PCDHGA6: variants seen among roughly 807,000 people sequenced by gnomAD.
The protein encoded by PCDHGA6 is protocadherin gamma subfamily A, 6, also known as protocadherin gamma-A6.
A neutral mutation model predicts 60.6 loss-of-function variants in PCDHGA6; 41 were observed. The ratio of observed to expected loss-of-function variants is 0.68; its 90% CI spans 0.53 to 0.88. The LOEUF is 0.88. PCDHGA6 is among the 40% of genes least tolerant of loss of function. The pLI, the probability that PCDHGA6 is intolerant of heterozygous loss-of-function variation, is 0.00. For synonymous variants in PCDHGA6, 594 were observed against 524.4 expected (o/e 1.13, Z -1.81); for missense variants, 1,312 against 1,203.0 (o/e 1.09, Z -1.34).
chr5:141,476,071 T>A lies in PCDHGA6; in HGVS notation c.2425-18736T>A. On this transcript the variant is annotated intron_variant, in intron 1 of 3. Transcript: ENST00000517434. The surrounding 1 kb of genome is among the most constrained non-coding windows in gnomAD (Gnocchi z 7.6). ...CCGCTGAAAGTTTCTCAGCGAAATC[T>A]CAGGGACGATCTGGACCCCGCTGAG... 6.6e-7 allele frequency: 1 copy of A among 1,522,792 alleles called. No individual in the cohort carries two copies. The highest frequency in any genetic ancestry group is 8.8e-7 in the Non-Finnish European group (1 of 1,142,680). 94.3% of individuals were successfully genotyped at this position (1,522,792 alleles called of 1,614,324 possible).
chr5:141,419,175 C>T (rs185228661), intron 1 of PCDHGA6: 2 of 1,613,966 alleles, frequency 1.2e-6, no homozygotes, highest in Non-Finnish European at 1.7e-6. Flanking sequence ...AAAACCATAA[C>T]CCTGCACATT....
chr5:141,485,446 C>A lies in PCDHGA6; in HGVS notation c.2425-9361C>A. On this transcript the variant is annotated intron_variant, in intron 1 of 3. Transcript: ENST00000517434. This position sits in a 1 kb window ranked among gnomAD's most constrained non-coding sequence, Gnocchi z 5.7. ...CCCTGCTCATCAAGAACCCAATCGA[C>A]CGAGAGGCACTGTGTGGGCTCAGTG... is the stretch of plus-strand genomic sequence containing the variant. 6.2e-7 allele frequency: 1 copy of A among 1,614,156 alleles called. No individual in the cohort carries two copies. The highest frequency in any genetic ancestry group is 8.5e-7 in the Non-Finnish European group (1 of 1,180,018).
chr5:141,499,836 A>G (rs2099794751), intron 2 of PCDHGA6, among the ~76,000 whole-genome samples: 1 of 151,894 alleles, frequency 6.6e-6, no homozygotes, highest in African/African-American at 2.4e-5. Flanking sequence ...ACAGGTGTGC[A>G]CCACCACACA....
intron 1 of PCDHGA6, among the ~76,000 whole-genome samples, chr5:141,435,840 T>G (rs1408413470): frequency 6.6e-6 from 1 of 152,118 alleles, no homozygotes; most frequent in Non-Finnish European, 1.5e-5. Context: ...CCTATCTACT[T>G]TGAAAGATAC....
chr5:141,483,620 A>G (rs192148102), intron 1 of PCDHGA6, among the ~76,000 whole-genome samples: 472 of 151,650 alleles, frequency 3.1e-3, no homozygotes, highest in Non-Finnish European at 5.0e-3. Context: ...CATCATTCCC[A>G]TGGGAGAAGG....
intron 1 of PCDHGA6, among the ~76,000 whole-genome samples, chr5:141,425,003 T>C (rs75915888): frequency 0.036 from 5,431 of 152,274 alleles, 181 homozygotes; most frequent in African/African-American, 0.084. Context: ...AGTTTAGTTT[T>C]CTCATTTAGG....
chr5:141,381,768 C>T (rs1777418616), intron 1 of PCDHGA6, among the ~76,000 whole-genome samples: 1 of 150,172 alleles, frequency 6.7e-6, no homozygotes, highest in Non-Finnish European at 1.5e-5. Context: ...ACTATATAAT[C>T]AATAATCAGG....
chr5:141,431,973 TC>T lies in PCDHGA6; in HGVS notation c.2424+55467del, dbSNP rs770294598. 13 of 1,614,100 alleles carry T rather than the reference TC, an allele frequency of 8.1e-6. No individual in the cohort carries two copies. The highest frequency in any genetic ancestry group is 1.0e-5 in the Non-Finnish European group (12 of 1,180,038). On this transcript the variant is annotated intron_variant, in intron 1 of 3. Transcript: ENST00000517434. This position sits in a 1 kb window ranked among gnomAD's most constrained non-coding sequence, Gnocchi z 4.8. ...TCTTACGGAAATTACTATAGTTTAG[TC>T]ACAGACATAGTCTTGGATAGGGAAC...
intron 1 of PCDHGA6, among the ~76,000 whole-genome samples, chr5:141,406,564 C>T (rs1475993893): frequency 6.6e-6 from 1 of 152,164 alleles, no homozygotes; most frequent in African/African-American, 2.4e-5. Flanking sequence ...CACTTCCAAA[C>T]CCTAGTAAAC....
At chr5:141,427,082 C>T (rs1335319344) in intron 1 of PCDHGA6, 1 of 458,118 alleles carries the variant, frequency 2.2e-6, no homozygotes, top group Admixed American at 2.3e-5. Flanking sequence ...CAGCCACTGA[C>T]CAGGATGAGG....
intron 1 of PCDHGA6, chr5:141,411,436 T>C (rs2095489663): frequency 6.7e-6 from 1 of 149,586 alleles, no homozygotes; most frequent in South Asian, 2.1e-4. Flanking sequence ...AAAAAAACAT[T>C]AGCAGAGTGT....
At position 141,431,391 on chromosome 5, in the gene PCDHGA6, T is replaced by C; in HGVS notation, c.2424+54884T>C. Reference sequence around the variant, plus strand: ...GAAGAAAAGGCTGCTCACCACCTGGTCCTTACGGCCTCCGACGGGGGCGAC... The same window carrying C: ...GAAGAAAAGGCTGCTCACCACCTGGCCCTTACGGCCTCCGACGGGGGCGAC... On this transcript the variant is annotated intron_variant, in intron 1 of 3. Transcript: ENST00000517434. The surrounding 1 kb of genome is among the most constrained non-coding windows in gnomAD (Gnocchi z 4.8). 1 of 1,613,852 alleles carries C rather than the reference T, an allele frequency of 6.2e-7. No homozygotes were observed.
rs2099404338 is a variant in PCDHGA6, at chr5:141,477,060, C to T, written c.2425-17747C>T. On this transcript the variant is annotated intron_variant, in intron 1 of 3. Coordinates refer to ENST00000517434, the MANE Select transcript of PCDHGA6 (RefSeq NM_018919.3). This position sits in a 1 kb window ranked among gnomAD's most constrained non-coding sequence, Gnocchi z 4.9. Reference sequence around the variant, plus strand: ...AAGGGTCGGCTGGACTTCGAGGACACCAAACTCCATGAGATTTACATCCAG... The same window carrying T: ...AAGGGTCGGCTGGACTTCGAGGACATCAAACTCCATGAGATTTACATCCAG... 3.7e-6 allele frequency: 6 copies of T among 1,614,256 alleles called. No individual in the cohort carries two copies. The highest frequency in any genetic ancestry group is 5.1e-6 in the Non-Finnish European group (6 of 1,180,046).
At chr5:141,428,070 T>G (rs756684090) in intron 1 of PCDHGA6, 7 of 1,609,106 alleles carry the variant, frequency 4.4e-6, no homozygotes, top group Non-Finnish European at 5.1e-6. Context: ...GGACGCAGAT[T>G]CGGGACACAA....
intron 1 of PCDHGA6, among the ~76,000 whole-genome samples, chr5:141,479,846 C>A (rs1350909064): frequency 1.3e-5 from 2 of 152,194 alleles, no homozygotes; most frequent in Admixed American, 6.5e-5. Context: ...TGCAAGGTGA[C>A]TGCAAGGCCT....
intron 1 of PCDHGA6, among the ~76,000 whole-genome samples, chr5:141,397,514 A>G (rs537343615): frequency 1.3e-5 from 2 of 152,324 alleles, no homozygotes; most frequent in Non-Finnish European, 2.9e-5. Context: ...TTGTTTCCAT[A>G]GCTAATAAAA....
intron 1 of PCDHGA6, chr5:141,413,249 G>A (rs756270877): frequency 6.8e-6 from 11 of 1,613,832 alleles, no homozygotes; most frequent in Non-Finnish European, 9.3e-6. Flanking sequence ...CTTTTCTTCG[G>A]GATTCCATGG....
At chr5:141,410,515 G>T in intron 1 of PCDHGA6, 1 of 1,613,946 alleles carries the variant, frequency 6.2e-7, no homozygotes, top group South Asian at 1.1e-5. Flanking sequence ...AATGCAGTGT[G>T]CCCCTACATT....
chr5:141,399,799 G>A lies in PCDHGA6; in HGVS notation c.2424+23292G>A, dbSNP rs768345936. The A allele has an allele frequency of 8.7e-6, 14 of 1,613,236 alleles. No homozygotes were observed. The South Asian group carries it at 1.5e-4, about 18-fold the overall frequency. On this transcript the variant is annotated intron_variant, in intron 1 of 3. Transcript: ENST00000517434. The stretch of plus-strand genomic sequence containing the variant: ...CGACCGAAACGACAACGCACCGCGG[G>A]TGCTGTACCCCGCGCTGGGTCCCGA...
Sources: gnomAD v4.1 joint callset for allele counts (sites outside exome capture counted in the v4.1 genomes callset) on GRCh38, gnomAD v4.1.1 for gene constraint, Gnocchi (gnomAD v3.1) non-coding constraint, MANE v1.5 for transcripts, NCBI Gene and HGNC (gene_info 2026-07-23, HGNC 2026-07-21) for gene names.